The following LHFPL6 variants were observed in gnomAD, a reference collection of about 807,000 sequenced individuals.
LHFPL6 encodes the protein LHFPL tetraspan subfamily member 6 protein.
A neutral mutation model predicts 20.6 loss-of-function variants in LHFPL6; 9 were observed. That is an observed-to-expected ratio of 0.44 (90% confidence interval 0.26 to 0.76). LHFPL6 has a LOEUF of 0.76. Ranked by LOEUF, LHFPL6 falls within the 30% of genes least tolerant of loss-of-function variation. LHFPL6 has a pLI of 0.20. For missense variants in LHFPL6, 218 were observed against 253.5 expected (o/e 0.86, Z 0.95); for synonymous variants, 105 against 98.7 (o/e 1.06, Z -0.38).
chr13:39,345,575 G>A (rs941678135), intron 3 of LHFPL6, among the ~76,000 whole-genome samples: 1 of 138,420 alleles, frequency 7.2e-6, no homozygotes, highest in Non-Finnish European at 1.5e-5. Context: ...TCACAAGTCA[G>A]TCTGCAGGAA....
intron 2 of LHFPL6, among the ~76,000 whole-genome samples, chr13:39,565,940 G>C (rs1240874793): frequency 3.3e-5 from 5 of 152,272 alleles, no homozygotes; most frequent in Non-Finnish European, 5.9e-5. Flanking sequence ...CAAATAAAAA[G>C]AGACCAAATC....
chr13:39,593,452 A>G (rs1593377611), intron 2 of LHFPL6, among the ~76,000 whole-genome samples: 1 of 152,246 alleles, frequency 6.6e-6, no homozygotes, highest in South Asian at 2.1e-4. Context: ...CCACTGCTCA[A>G]TGAAATAAAA....
intron 2 of LHFPL6, among the ~76,000 whole-genome samples, chr13:39,394,169 G>A (rs1440985622): frequency 6.6e-6 from 1 of 152,082 alleles, no homozygotes; most frequent in Admixed American, 6.6e-5. Flanking sequence ...CAAACTCCTG[G>A]CCTCAAGCAA....
chr13:39,548,495 A>G (rs894171150), intron 2 of LHFPL6, among the ~76,000 whole-genome samples: 3 of 152,096 alleles, frequency 2.0e-5, no homozygotes, highest in East Asian at 1.9e-4. Flanking sequence ...CATGGGACAC[A>G]TGGAGATCTG....
At chr13:39,575,348 CA>C (rs1166758246) in intron 2 of LHFPL6, among the ~76,000 whole-genome samples, 11 of 152,150 alleles carry the variant, frequency 7.2e-5, no homozygotes, top group Admixed American at 7.2e-4. Flanking sequence ...CTTTAGCGCA[CA>C]GTTAAGGAAC....
intron 2 of LHFPL6, among the ~76,000 whole-genome samples, chr13:39,545,743 C>A (rs1026704001): frequency 6.6e-6 from 1 of 151,882 alleles, no homozygotes; most frequent in Non-Finnish European, 1.5e-5. Context: ...GTAAATGCTA[C>A]CTAAATAGTT....
intron 2 of LHFPL6, among the ~76,000 whole-genome samples, chr13:39,538,777 T>C (rs554236463): frequency 1.7e-4 from 26 of 152,294 alleles, no homozygotes; most frequent in African/African-American, 5.8e-4. Context: ...AATTTGGTTA[T>C]ACAGCAACAT....
chr13:39,522,041 G>C (rs1011499803), intron 2 of LHFPL6, among the ~76,000 whole-genome samples: 2 of 152,040 alleles, frequency 1.3e-5, no homozygotes, highest in African/African-American at 4.8e-5. Context: ...TACACACACA[G>C]CCTCTTACTA....
At chr13:39,391,201 G>T (rs892819424) in intron 2 of LHFPL6, among the ~76,000 whole-genome samples, 2 of 152,162 alleles carry the variant, frequency 1.3e-5, no homozygotes, top group African/African-American at 4.8e-5. Context: ...AAACTGCGTA[G>T]ATTTTTGTCT....
chr13:39,562,415 C>T (rs200973055), intron 2 of LHFPL6, among the ~76,000 whole-genome samples: 2,439 of 49,934 alleles, frequency 0.049, 237 homozygotes, highest in Middle Eastern at 0.11. Flanking sequence ...TACACATATA[C>T]ACATATACAT....
intron 2 of LHFPL6, among the ~76,000 whole-genome samples, chr13:39,477,555 T>G (rs1873115616): frequency 6.6e-6 from 1 of 152,186 alleles, no homozygotes; most frequent in Non-Finnish European, 1.5e-5. Flanking sequence ...TTAGATACTG[T>G]CAAGGAGAAG....
At chr13:39,599,153 G>A (rs1315146791) in intron 2 of LHFPL6, among the ~76,000 whole-genome samples, 1 of 152,032 alleles carries the variant, frequency 6.6e-6, no homozygotes, top group Non-Finnish European at 1.5e-5. Context: ...ATTTCTCTTT[G>A]TAAGCATTTT....
intron 2 of LHFPL6, among the ~76,000 whole-genome samples, chr13:39,396,918 G>A (rs907559446): frequency 6.6e-6 from 1 of 152,122 alleles, no homozygotes; most frequent in Non-Finnish European, 1.5e-5. Flanking sequence ...GGAACCAGAA[G>A]CTAGGAAGAG....
intron 2 of LHFPL6, among the ~76,000 whole-genome samples, chr13:39,498,114 C>T (rs1389051544): frequency 6.6e-6 from 1 of 152,160 alleles, no homozygotes; most frequent in African/African-American, 2.4e-5. Context: ...GCACATTTAA[C>T]ATTTTAGTAT....
chr13:39,424,781 A>T (rs1285365024), intron 2 of LHFPL6, among the ~76,000 whole-genome samples: 2 of 152,196 alleles, frequency 1.3e-5, no homozygotes, highest in Non-Finnish European at 2.9e-5. Context: ...AATTAGAGAG[A>T]GGGCACTGCA....
chr13:39,550,816 A>G (rs1871127431), intron 2 of LHFPL6, among the ~76,000 whole-genome samples: 1 of 152,184 alleles, frequency 6.6e-6, no homozygotes. Flanking sequence ...GAAACATTCC[A>G]AAATTTAATT....
chr13:39,398,163 C>G (rs1593297703), intron 2 of LHFPL6, among the ~76,000 whole-genome samples: 1 of 152,280 alleles, frequency 6.6e-6, no homozygotes, highest in Non-Finnish European at 1.5e-5. Flanking sequence ...GGAAGGACTT[C>G]GGAGGCAAAC....
chr13:39,439,493 T>C (rs1769145635), intron 2 of LHFPL6, among the ~76,000 whole-genome samples: 1 of 152,156 alleles, frequency 6.6e-6, no homozygotes, highest in Admixed American at 6.5e-5. Flanking sequence ...TGGGAAGGCA[T>C]GATTGTATTT....
chr13:39,551,809 C>T (rs1871151722), intron 2 of LHFPL6, among the ~76,000 whole-genome samples: 1 of 152,018 alleles, frequency 6.6e-6, no homozygotes, highest in South Asian at 2.1e-4. Context: ...TCTTTTTCAC[C>T]CCTGCCTATC....
Sources: allele counts gnomAD v4.1 joint callset (sites outside exome capture counted in the v4.1 genomes callset), GRCh38; gene constraint gnomAD v4.1.1; transcripts MANE v1.5; gene names NCBI Gene and HGNC (gene_info 2026-07-23, HGNC 2026-07-21).